SLIT2: variants seen among roughly 807,000 people sequenced by gnomAD.
The protein encoded by SLIT2 is slit guidance ligand 2.
A neutral mutation model predicts 185.7 loss-of-function variants in SLIT2; 41 were observed. The observed-to-expected ratio is 0.22, with a 90% confidence interval of 0.17 to 0.29. The LOEUF is 0.29. SLIT2 is among the 10% of genes least tolerant of loss of function. SLIT2 has a pLI of 1.00. For missense variants in SLIT2, 1,571 were observed against 1,909.0 expected, an observed-to-expected ratio of 0.82 and a Z score of 3.30; for synonymous variants, 693 against 680.2, an observed-to-expected ratio of 1.02 and a Z score of -0.29.
intron 4 of SLIT2, among the ~76,000 whole-genome samples, chr4:20,359,026 G>A (rs1003151840): frequency 2.6e-5 from 4 of 152,034 alleles, no homozygotes; most frequent in African/African-American, 9.7e-5. Context: ...TCCCAACTTC[G>A]AGAATCGTTT....
chr4:20,363,161 A>G (rs2109298958), intron 4 of SLIT2, among the ~76,000 whole-genome samples: 1 of 152,260 alleles, frequency 6.6e-6, no homozygotes, highest in East Asian at 1.9e-4. Context: ...TGAACAAGTA[A>G]TATAGACTAA....
chr4:20,374,270 T>C (rs1331248254), intron 4 of SLIT2, among the ~76,000 whole-genome samples: 1 of 152,128 alleles, frequency 6.6e-6, no homozygotes, highest in Non-Finnish European at 1.5e-5. Context: ...CAAAGTACTA[T>C]GAAGTGCATG....
At chr4:20,593,448 G>A (rs1727673914) in intron 30 of SLIT2, among the ~76,000 whole-genome samples, 1 of 152,068 alleles carries the variant, frequency 6.6e-6, no homozygotes, top group Admixed American at 6.6e-5. Context: ...GAAAAAGAGA[G>A]TACAAGAGTG....
intron 11 of SLIT2, among the ~76,000 whole-genome samples, chr4:20,514,780 TATC>T (rs977172177): frequency 2.7e-4 from 41 of 151,602 alleles, no homozygotes; most frequent in African/African-American, 9.4e-4. Flanking sequence ...TTATTAACAT[TATC>T]ATTTATTTTT....
At position 20,600,626 on chromosome 4, in the gene SLIT2, G is replaced by A. The variant is rs944391352; in HGVS notation, c.3692+2231G>A. 7.2e-5 allele frequency among the ~76,000 whole-genome samples: 11 copies of A among 151,738 alleles called. No individual in the cohort carries two copies. The East Asian group carries it at 1.7e-3, about 24-fold the overall frequency. ...TTTTTAGTAAAGACGTGGTTTCACC[G>A]TGTTAGCCAGGATGGACTCGATCTC... On this transcript the variant is annotated intron_variant, in intron 33 of 36. Coordinates refer to ENST00000504154, the MANE Select transcript of SLIT2 (RefSeq NM_004787.4).
intron 4 of SLIT2, among the ~76,000 whole-genome samples, chr4:20,297,952 A>G (rs1440011908): frequency 2.0e-5 from 3 of 152,190 alleles, no homozygotes; most frequent in Admixed American, 1.3e-4. Flanking sequence ...ATATTGGTTC[A>G]GTTCCCAGGC....
intron 4 of SLIT2, among the ~76,000 whole-genome samples, chr4:20,283,358 G>T (rs2109061481): frequency 6.6e-6 from 1 of 152,230 alleles, no homozygotes; most frequent in Non-Finnish European, 1.5e-5. Flanking sequence ...GGAGCCAAAA[G>T]CTTTTATTTT....
intron 21 of SLIT2, among the ~76,000 whole-genome samples, chr4:20,542,961 C>T (rs951121526): frequency 1.3e-4 from 19 of 151,552 alleles, no homozygotes; most frequent in Admixed American, 1.1e-3. Context: ...TTTATTTGTT[C>T]CTATACCCCT....
At chr4:20,531,750 T>C (rs1721830846) in intron 16 of SLIT2, among the ~76,000 whole-genome samples, 1 of 147,964 alleles carries the variant, frequency 6.8e-6, no homozygotes, top group East Asian at 2.1e-4. Context: ...CTGGTTTTGA[T>C]CTTTGTGTTT....
intron 4 of SLIT2, among the ~76,000 whole-genome samples, chr4:20,424,550 C>T (rs1169288926): frequency 2.0e-5 from 3 of 151,878 alleles, no homozygotes; most frequent in Non-Finnish European, 4.4e-5. Flanking sequence ...TTCTATTTGT[C>T]GTCTAATTTT....
chr4:20,304,671 G>A (rs1467730189), intron 4 of SLIT2, among the ~76,000 whole-genome samples: 1 of 152,076 alleles, frequency 6.6e-6, no homozygotes, highest in Non-Finnish European at 1.5e-5. Flanking sequence ...ACAAAGAGAT[G>A]CACATGAAGG....
At chr4:20,265,385 T>C (rs552070217) in intron 3 of SLIT2, among the ~76,000 whole-genome samples, 2 of 152,060 alleles carry the variant, frequency 1.3e-5, no homozygotes, top group East Asian at 3.9e-4. Flanking sequence ...TTAACCTTAG[T>C]ATGGATGGAA....
At chr4:20,444,247 T>G (rs1711532031) in intron 4 of SLIT2, among the ~76,000 whole-genome samples, 1 of 152,202 alleles carries the variant, frequency 6.6e-6, no homozygotes, top group Non-Finnish European at 1.5e-5. Flanking sequence ...TGCCACCAAT[T>G]GCCATTGTGG....
intron 4 of SLIT2, among the ~76,000 whole-genome samples, chr4:20,446,989 C>T (rs1314038321): frequency 6.6e-6 from 1 of 152,188 alleles, no homozygotes; most frequent in Non-Finnish European, 1.5e-5. Flanking sequence ...AAGTGAAAGG[C>T]ACAATCTAGG....
intron 4 of SLIT2, among the ~76,000 whole-genome samples, chr4:20,459,228 C>T (rs1213203283): frequency 6.6e-6 from 1 of 151,840 alleles, no homozygotes; most frequent in Admixed American, 6.6e-5. Context: ...AGTACTTATT[C>T]CATATCGAAT....
chr4:20,430,162 CT>C (rs1490746943), intron 4 of SLIT2, among the ~76,000 whole-genome samples: 2 of 151,028 alleles, frequency 1.3e-5, no homozygotes, highest in Non-Finnish European at 3.0e-5. Context: ...TTTAAAAATT[CT>C]TTTTTTCTTA....
At chr4:20,594,843 A>C (rs1727846553) in intron 30 of SLIT2, among the ~76,000 whole-genome samples, 1 of 152,204 alleles carries the variant, frequency 6.6e-6, no homozygotes. Flanking sequence ...TTGGGGGCAA[A>C]GTACTTCACC....
intron 3 of SLIT2, among the ~76,000 whole-genome samples, chr4:20,263,986 G>A (rs1428430741): frequency 1.3e-5 from 2 of 151,824 alleles, no homozygotes; most frequent in Non-Finnish European, 2.9e-5. Flanking sequence ...GAGATGTGAA[G>A]AAAAGCTTAA....
At chr4:20,290,061 T>C (rs555330135) in intron 4 of SLIT2, among the ~76,000 whole-genome samples, 1 of 152,266 alleles carries the variant, frequency 6.6e-6, no homozygotes, top group African/African-American at 2.4e-5. Context: ...TTGCTCTACC[T>C]GCTCATCTCC....
Sources: allele counts gnomAD v4.1 joint callset (sites outside exome capture counted in the v4.1 genomes callset), GRCh38; gene constraint gnomAD v4.1.1; transcripts MANE v1.5; gene names NCBI Gene and HGNC (gene_info 2026-07-23, HGNC 2026-07-21).